The following AGFG1 variants were observed in gnomAD, a reference collection of about 807,000 sequenced individuals.
The protein encoded by AGFG1 is ArfGAP with FG repeats 1.
AGFG1 carries 10 observed loss-of-function variants against 60.6 expected under a neutral mutation model. The ratio of observed to expected loss-of-function variants is 0.16; its 90% CI spans 0.10 to 0.28. The LOEUF (loss-of-function observed/expected upper bound fraction) is 0.28, where lower values mean the gene tolerates loss of function less well. Ranked by LOEUF, AGFG1 falls within the 10% of genes least tolerant of loss-of-function variation. AGFG1 has a pLI of 1.00. For missense variants in AGFG1, 537 were observed against 676.5 expected (o/e 0.79, Z 2.29); for synonymous variants, 247 against 242.9 (o/e 1.02, Z -0.16).
chr2:227,511,247 TA>T (rs1489347139), intron 2 of AGFG1, among the ~76,000 whole-genome samples: 2 of 152,234 alleles, frequency 1.3e-5, no homozygotes, highest in African/African-American at 4.8e-5. Flanking sequence ...GATATGCCTC[TA>T]AAACAGGTTT....
intron 1 of AGFG1, among the ~76,000 whole-genome samples, chr2:227,475,402 A>G (rs1690252403): frequency 1.3e-5 from 2 of 152,178 alleles, no homozygotes; most frequent in South Asian, 4.1e-4. Context: ...TAGAGTTCCC[A>G]AATCTGAAAT....
Position 227,560,724 on chromosome 2 carries a change from T to C in AGFG1, c.*6229T>C, listed in dbSNP as rs1559209472. On this transcript the variant is annotated 3_prime_UTR_variant, in exon 13 of 13. Coordinates refer to ENST00000310078, the MANE Select transcript of AGFG1 (RefSeq NM_004504.5). ...TTGGCACAACCACATTTGTTCATTA[T>C]ACAAAATTAGCTTCCTATGCTTTAG... The C allele has an allele frequency of 6.6e-6, 1 of 152,178 alleles. No homozygotes were observed. The highest frequency in any genetic ancestry group is 2.1e-4 in the South Asian group (1 of 4,834). 9.4% of individuals were successfully genotyped at this position (152,178 alleles called of 1,614,324 possible). A position where few individuals can be genotyped will look rare whatever the true frequency, so the allele number is the denominator to read the frequency against.
chr2:227,527,200 G>A (rs554800586), intron 5 of AGFG1, among the ~76,000 whole-genome samples: 1 of 152,046 alleles, frequency 6.6e-6, no homozygotes, highest in Non-Finnish European at 1.5e-5. Flanking sequence ...TGTAACTTTG[G>A]GCAAATTACC....
rs957008597 is a variant in AGFG1, at chr2:227,560,626, T to C, written c.*6131T>C. The C allele has an allele frequency of 6.6e-6, 1 of 152,152 alleles. No homozygotes were observed. The highest frequency in any genetic ancestry group is 1.5e-5 in the Non-Finnish European group (1 of 67,984). 9.4% of individuals were successfully genotyped at this position (152,152 alleles called of 1,614,324 possible). ...CAGTTTGTTGGTATCGTGCCTTTCC[T>C]TATCTACATTAGCTTAGACTATACC... is the stretch of plus-strand genomic sequence containing the variant. On this transcript the variant is annotated 3_prime_UTR_variant, in exon 13 of 13. Transcript: ENST00000310078.
intron 1 of AGFG1, among the ~76,000 whole-genome samples, chr2:227,472,935 A>C (rs1690150007): frequency 7.5e-6 from 1 of 132,888 alleles, no homozygotes; most frequent in South Asian, 2.4e-4. Flanking sequence ...CTCGCTCTCC[A>C]GCTACCCGGG....
chr2:227,498,341 A>T (rs986238646), intron 2 of AGFG1, among the ~76,000 whole-genome samples: 1 of 152,224 alleles, frequency 6.6e-6, no homozygotes, highest in Non-Finnish European at 1.5e-5. Context: ...AAATGAAAAC[A>T]TTCACTAATA....
chr2:227,500,681 C>G (rs1484012888), intron 2 of AGFG1, among the ~76,000 whole-genome samples: 1 of 152,178 alleles, frequency 6.6e-6, no homozygotes, highest in Non-Finnish European at 1.5e-5. Flanking sequence ...ATATCTGTAT[C>G]CATTCATCAG....
chr2:227,520,454 G>C (rs1342862764), intron 3 of AGFG1, among the ~76,000 whole-genome samples: 1 of 151,986 alleles, frequency 6.6e-6, no homozygotes, highest in African/African-American at 2.4e-5. Context: ...CTGTATACTA[G>C]GCACTATGCT....
intron 10 of AGFG1, among the ~76,000 whole-genome samples, chr2:227,544,146 C>CCTT (rs1692573122): frequency 1.3e-5 from 1 of 75,756 alleles, no homozygotes. Flanking sequence ...CATTCTGTGT[C>CCTT]TTTTTTTTTT....
intron 8 of AGFG1, among the ~76,000 whole-genome samples, chr2:227,535,664 C>T (rs1017355618): frequency 2.6e-5 from 4 of 152,120 alleles, no homozygotes; most frequent in Non-Finnish European, 5.9e-5. Flanking sequence ...ATGTTTTATT[C>T]ATCTCTGTTT....
Position 227,554,941 on chromosome 2 carries a change from G to T in AGFG1, c.*446G>T. The T allele has an allele frequency of 6.5e-6, 1 of 152,908 alleles. No homozygotes were observed. The highest frequency in any genetic ancestry group is 1.5e-5 in the Non-Finnish European group (1 of 68,234). 9.5% of individuals were successfully genotyped at this position (152,908 alleles called of 1,614,324 possible). A position where few individuals can be genotyped will look rare whatever the true frequency, so the allele number is the denominator to read the frequency against. ...TAAAATCATTTTAACCATTGCTACT[G>T]GAAAGTAACAGAGTCAAAATTGGAA... On this transcript the variant is annotated 3_prime_UTR_variant, in exon 13 of 13. Transcript: ENST00000310078.
intron 10 of AGFG1, among the ~76,000 whole-genome samples, chr2:227,549,363 G>A (rs895880939): frequency 1.3e-5 from 2 of 152,070 alleles, no homozygotes; most frequent in African/African-American, 4.8e-5. Flanking sequence ...CAAACAAAAG[G>A]TACTAGTATT....
At position 227,536,613 on chromosome 2, in the gene AGFG1, A is replaced by G. The variant is rs377490798; in HGVS notation, c.1206-12A>G. 3.7e-6 allele frequency: 6 copies of G among 1,609,168 alleles called. No homozygotes were observed. In the African/African-American group the frequency reaches 8.1e-5, roughly 22 times the overall value. On this transcript the variant is annotated splice_polypyrimidine_tract_variant and intron_variant, in intron 8 of 12. Coordinates refer to ENST00000310078, the MANE Select transcript of AGFG1 (RefSeq NM_004504.5). ...AAGAAAAAAAATGAACTCTTTCAAT[A>G]TTTGTTCTCAGCAATGTTTTTGGAA... is the stretch of plus-strand genomic sequence containing the variant.
intron 11 of AGFG1, among the ~76,000 whole-genome samples, chr2:227,553,021 A>G (rs948039188): frequency 6.7e-6 from 1 of 150,240 alleles, no homozygotes; most frequent in Non-Finnish European, 1.5e-5. Context: ...AAAAAAAAAA[A>G]TCTGAAATAT....
At chr2:227,510,293 T>G (rs1454758219) in intron 2 of AGFG1, among the ~76,000 whole-genome samples, 1 of 152,040 alleles carries the variant, frequency 6.6e-6, no homozygotes, top group Non-Finnish European at 1.5e-5. Context: ...CACCCCTGAT[T>G]GTACCAGGAA....
chr2:227,557,514 C>T lies in AGFG1; in HGVS notation c.*3019C>T, dbSNP rs1293203758. The T allele has an allele frequency of 6.6e-6, 1 of 152,046 alleles. No individual in the cohort carries two copies. The highest frequency in any genetic ancestry group is 1.5e-5 in the Non-Finnish European group (1 of 68,022). 9.4% of individuals were successfully genotyped at this position (152,046 alleles called of 1,614,324 possible). A position where few individuals can be genotyped will look rare whatever the true frequency, so the allele number is the denominator to read the frequency against. ...TTTAGTTTCAGAACCTTAACACTCC[C>T]CAACAGCTTTGTTGATGTAGCTTGT... On this transcript the variant is annotated 3_prime_UTR_variant, in exon 13 of 13. Transcript: ENST00000310078.
intron 3 of AGFG1, among the ~76,000 whole-genome samples, chr2:227,523,459 CTG>C (rs1691882790): frequency 1.3e-5 from 2 of 152,012 alleles, no homozygotes; most frequent in Admixed American, 1.3e-4. Context: ...TGTAGGTCCT[CTG>C]TTTAAAAAAA....
intron 10 of AGFG1, among the ~76,000 whole-genome samples, chr2:227,541,750 G>A (rs1692498288): frequency 6.6e-6 from 1 of 152,186 alleles, no homozygotes; most frequent in Non-Finnish European, 1.5e-5. Flanking sequence ...TTGGTAGCTT[G>A]ATGGGGATGG....
At chr2:227,479,177 G>C (rs1690382497) in intron 1 of AGFG1, among the ~76,000 whole-genome samples, 1 of 152,222 alleles carries the variant, frequency 6.6e-6, no homozygotes, top group African/African-American at 2.4e-5. Context: ...GGATAAGAAG[G>C]ACTCTTCTGT....
Sources: gnomAD v4.1 joint callset for allele counts (sites outside exome capture counted in the v4.1 genomes callset) on GRCh38, gnomAD v4.1.1 for gene constraint, MANE v1.5 for transcripts, NCBI Gene and HGNC (gene_info 2026-07-23, HGNC 2026-07-21) for gene names.